TLL1: variants seen among roughly 807,000 people sequenced by gnomAD.
The protein encoded by TLL1 is tolloid like 1.
A neutral mutation model predicts 128.2 loss-of-function variants in TLL1; 49 were observed. That is an observed-to-expected ratio of 0.38 (90% CI 0.30 to 0.48). The LOEUF (loss-of-function observed/expected upper bound fraction) is 0.48. TLL1 is among the 20% of genes least tolerant of loss of function. The pLI is 0.96. For synonymous variants in TLL1, 454 were observed against 418.8 expected, an observed-to-expected ratio of 1.08 and a Z score of -1.03; for missense variants, 1,123 against 1,242.0, an observed-to-expected ratio of 0.90 and a Z score of 1.44.
At chr4:166,040,324 A>G (rs1739188182) in intron 10 of TLL1, among the ~76,000 whole-genome samples, 1 of 152,124 alleles carries the variant, frequency 6.6e-6, no homozygotes, top group Non-Finnish European at 1.5e-5. Flanking sequence ...GAATTGAACT[A>G]ATGTGGTAAG....
intron 1 of TLL1, among the ~76,000 whole-genome samples, chr4:165,968,012 G>A (rs551247979): frequency 6.6e-6 from 1 of 152,246 alleles, no homozygotes; most frequent in African/African-American, 2.4e-5. Context: ...TGTCTTCACG[G>A]CACTGAACTT....
chr4:165,918,276 AG>A (rs1732876102), intron 1 of TLL1, among the ~76,000 whole-genome samples: 1 of 152,154 alleles, frequency 6.6e-6, no homozygotes, highest in South Asian at 2.1e-4. Context: ...AATGAGCTTA[AG>A]GTACAGCATC....
At chr4:166,061,112 AAATGT>A (rs1348660107) in intron 15 of TLL1, among the ~76,000 whole-genome samples, 1 of 152,156 alleles carries the variant, frequency 6.6e-6, no homozygotes, top group Non-Finnish European at 1.5e-5. Context: ...CAGAGAACGG[AAATGT>A]AATGTATCTG....
intron 8 of TLL1, among the ~76,000 whole-genome samples, chr4:166,019,144 T>A (rs2111058892): frequency 6.6e-6 from 1 of 152,328 alleles, no homozygotes; most frequent in East Asian, 1.9e-4. Context: ...TGAAATCATG[T>A]CCTTTTCAGC....
intron 1 of TLL1, among the ~76,000 whole-genome samples, chr4:165,931,500 C>T (rs533652666): frequency 1.7e-3 from 257 of 150,946 alleles, no homozygotes; most frequent in Non-Finnish European, 2.6e-3. Flanking sequence ...GGGCGGATCA[C>T]GAGGTCAGGA....
chr4:166,008,192 T>C, intron 7 of TLL1, 144 bp downstream of exon 7: 1 of 572,388 alleles, frequency 1.7e-6, no homozygotes, highest in Non-Finnish European at 3.1e-6. Flanking sequence ...TTCATGAACA[T>C]TTATAGACAA....
Position 166,100,867 on chromosome 4 carries a change from C to A in TLL1, c.3033C>A (p.Thr1011=), listed in dbSNP as rs1742256726. The A allele has an allele frequency of 1.2e-6, 2 of 1,612,220 alleles. No homozygotes were observed. Among genetic ancestry groups the A allele is most frequent in the African/African-American group, 1.3e-5 (1 of 74,886 alleles). The change falls in exon 21 of 21, where the codon ACC becomes ACA. Residue 1011 remains threonine, a synonymous_variant. Transcript: ENST00000061240. ...KSIRYPDTTH[T]KK ...TAAGATATCCAGATACCACACATAC[C>A]AAAAAATAACACCAAAACCTCTGTC...
At chr4:165,883,613 A>G (rs1731052311) in intron 1 of TLL1, among the ~76,000 whole-genome samples, 1 of 152,214 alleles carries the variant, frequency 6.6e-6, no homozygotes, top group Non-Finnish European at 1.5e-5. Flanking sequence ...ACACTGTATT[A>G]TTTTATCCAC....
intron 1 of TLL1, among the ~76,000 whole-genome samples, chr4:165,968,639 A>C (rs930310288): frequency 2.6e-5 from 4 of 152,206 alleles, no homozygotes. Flanking sequence ...AATCTAAGTC[A>C]ATTTTACCAC....
In TLL1 at chr4:166,103,408, T is replaced by C. The variant is rs1312932595; in HGVS notation, c.*2532T>C. ...TAGTTTGGAGTTAGTATGAGCCTTT[T>C]GTGAAAATAAATATATTAAATTATT... On this transcript the variant is annotated 3_prime_UTR_variant, in exon 21 of 21. Transcript: ENST00000061240. 1.3e-5 allele frequency: 2 copies of C among 151,842 alleles called. No homozygotes were observed. The highest frequency in any genetic ancestry group is 2.4e-5 in the African/African-American group (1 of 41,404). The allele number at this position is 151,842 out of a possible 1,614,324, so 9.4% of individuals were successfully genotyped here.
At chr4:165,998,212 T>A (rs1002417542) in intron 5 of TLL1, among the ~76,000 whole-genome samples, 1 of 152,230 alleles carries the variant, frequency 6.6e-6, no homozygotes, top group African/African-American at 2.4e-5. Flanking sequence ...GATTATTTTA[T>A]GATAGAGATT....
In TLL1 at chr4:166,012,714, T is replaced by G. The variant is rs145731524; in HGVS notation, c.918-1722T>G. Among the ~76,000 whole-genome samples, 30 of 151,802 alleles carry G rather than the reference T, an allele frequency of 2.0e-4. No homozygotes were observed. The East Asian group carries it at 5.4e-3, about 27-fold the overall frequency. On this transcript the variant is annotated intron_variant, in intron 7 of 20. Transcript: ENST00000061240. The stretch of plus-strand genomic sequence containing the variant: ...ATTACACTGGCCTGCCTGGAGTGGT[T>G]TCTTATGAACTATGCACAGATCTCA...
At chr4:165,966,449 A>T (rs968030882) in intron 1 of TLL1, among the ~76,000 whole-genome samples, 1 of 152,064 alleles carries the variant, frequency 6.6e-6, no homozygotes, top group Non-Finnish European at 1.5e-5. Context: ...AGGAATCAAC[A>T]TTTTTTTGTA....
intron 1 of TLL1, among the ~76,000 whole-genome samples, chr4:165,932,161 C>CAGA (rs1490062227): frequency 1.3e-5 from 2 of 152,172 alleles, no homozygotes; most frequent in East Asian, 1.9e-4. Context: ...CATTCAAAAT[C>CAGA]AGAAGGTCTC....
At chr4:165,940,211 G>T (rs916204696) in intron 1 of TLL1, among the ~76,000 whole-genome samples, 2 of 151,248 alleles carry the variant, frequency 1.3e-5, no homozygotes, top group African/African-American at 4.9e-5. Context: ...ATGTAATTAG[G>T]CTTGACGTTT....
chr4:165,889,084 A>G (rs1166356325), intron 1 of TLL1, among the ~76,000 whole-genome samples: 1 of 152,202 alleles, frequency 6.6e-6, no homozygotes, highest in African/African-American at 2.4e-5. Flanking sequence ...TTTATCTAGC[A>G]TATTGAGTTA....
In TLL1 at chr4:166,014,512, C is replaced by G. The variant is rs750739998; in HGVS notation, c.994C>G (p.Leu332Val). ...IRPAIGQRTR[L>V]SKGDIAQARK... ...TCCTGCAATTGGTCAGCGAACCCGTCTAAGCAAAGGAGATATCGCACAGGC... is the reference window on the plus strand; with the variant it reads ...TCCTGCAATTGGTCAGCGAACCCGTGTAAGCAAAGGAGATATCGCACAGGC... The change falls in exon 8 of 21, where the codon CTA becomes GTA. Residue 332 changes from leucine to valine, a missense_variant. Physicochemically the swap from Leu to Val is conservative, Grantham distance 32 (BLOSUM62 1). This residue lies in a region of TLL1 where 480 missense variants were observed against 542.4 expected (regional missense o/e 0.89). Transcript: ENST00000061240. 2 of 1,612,422 alleles carry G rather than the reference C, an allele frequency of 1.2e-6. No individual in the cohort carries two copies. Among genetic ancestry groups the G allele is most frequent in the Non-Finnish European group, 1.7e-6 (2 of 1,178,856 alleles).
chr4:166,095,263 A>G (rs1741968503), intron 19 of TLL1, among the ~76,000 whole-genome samples: 2 of 152,106 alleles, frequency 1.3e-5, no homozygotes, highest in Admixed American at 1.3e-4. Context: ...TACAAGTCAA[A>G]AAAAAGTCCA....
rs149275108 is a variant in TLL1, at chr4:166,050,943, T to G, written c.1525-4133T>G. On this transcript the variant is annotated intron_variant, in intron 12 of 20. Transcript: ENST00000061240. ...TACATGTTCTTCCTTCTTTGTGTATTTGGCTCTACTTCTGATATCATTTAC... is the reference window on the plus strand; with the variant it reads ...TACATGTTCTTCCTTCTTTGTGTATGTGGCTCTACTTCTGATATCATTTAC... Among the ~76,000 whole-genome samples, 414 of 152,336 alleles carry G rather than the reference T, an allele frequency of 2.7e-3. 5 individuals are homozygous for G. The highest frequency in any genetic ancestry group is 4.6e-3 in the Non-Finnish European group (313 of 68,042).
Sources: allele counts gnomAD v4.1 joint callset (sites outside exome capture counted in the v4.1 genomes callset), GRCh38; gene constraint gnomAD v4.1.1; regional missense constraint gnomAD v4.1.1; transcripts MANE v1.5; gene names NCBI Gene and HGNC (gene_info 2026-07-23, HGNC 2026-07-21).